KCNJ3: variants seen among roughly 807,000 people sequenced by gnomAD.
KCNJ3 encodes the protein potassium inwardly rectifying channel subfamily J member 3.
KCNJ3 carries 4 observed loss-of-function variants against 39.2 expected under a neutral mutation model. The observed-to-expected ratio is 0.10, with a 90% confidence interval of 0.05 to 0.23. KCNJ3 has a LOEUF of 0.23. Among genes scored for constraint, KCNJ3 ranks in the 10% least tolerant of loss-of-function variants. KCNJ3 has a pLI of 1.00. For synonymous variants in KCNJ3, 230 were observed against 237.4 expected, an observed-to-expected ratio of 0.97 and a Z score of 0.29; for missense variants, 276 against 634.9, an observed-to-expected ratio of 0.43 and a Z score of 6.08.
intron 2 of KCNJ3, among the ~76,000 whole-genome samples, chr2:154,830,649 G>A (rs1039969156): frequency 2.0e-5 from 3 of 152,098 alleles, no homozygotes; most frequent in Non-Finnish European, 1.5e-5. Context: ...TGAGACTTGA[G>A]GTGACACTTT....
chr2:154,789,848 A>C (rs191035350), intron 2 of KCNJ3, among the ~76,000 whole-genome samples: 5 of 152,210 alleles, frequency 3.3e-5, no homozygotes, highest in Admixed American at 3.3e-4. Flanking sequence ...AAAATGGTGC[A>C]ATGGGGAGAA....
intron 2 of KCNJ3, among the ~76,000 whole-genome samples, chr2:154,727,700 T>TA (rs946725061): frequency 1.3e-5 from 2 of 151,710 alleles, no homozygotes; most frequent in East Asian, 1.9e-4. Context: ...TTTCTCACGT[T>TA]AAAAAAATTG....
intron 2 of KCNJ3, among the ~76,000 whole-genome samples, chr2:154,816,520 C>T (rs1249611795): frequency 6.6e-6 from 1 of 152,086 alleles, no homozygotes; most frequent in Non-Finnish European, 1.5e-5. Flanking sequence ...AAAGCACATT[C>T]ACAAATACTT....
At position 154,854,932 on chromosome 2, in the gene KCNJ3, C is replaced by T. The variant is rs372988340; in HGVS notation, c.1125C>T (p.Ala375=). The T allele has an allele frequency of 5.0e-6, 8 of 1,613,912 alleles. No individual in the cohort carries two copies. In the South Asian group the frequency reaches 5.5e-5, roughly 11 times the overall value. ...LLMSSPLIAP[A]ITNSKERHNS... ...TGTCGTCCCCTTTAATAGCACCAGCCATAACTAACAGCAAAGAAAGACATA... is the reference window on the plus strand; with the variant it reads ...TGTCGTCCCCTTTAATAGCACCAGCTATAACTAACAGCAAAGAAAGACATA... The change falls in exon 3 of 3, where the codon GCC becomes GCT. Residue 375 remains alanine (A), a synonymous_variant. Transcript: ENST00000295101.
At chr2:154,832,773 G>C (rs547235278) in intron 2 of KCNJ3, among the ~76,000 whole-genome samples, 1 of 152,166 alleles carries the variant, frequency 6.6e-6, no homozygotes, top group Non-Finnish European at 1.5e-5. Flanking sequence ...TTTGTTCACA[G>C]AAACTTTAAC....
chr2:154,824,288 A>AG (rs1486784305), intron 2 of KCNJ3, among the ~76,000 whole-genome samples: 4 of 152,190 alleles, frequency 2.6e-5, no homozygotes, highest in African/African-American at 9.7e-5. Context: ...GTAAGCTGTG[A>AG]TCGCGCCACT....
chr2:154,824,889 C>T (rs916935965), intron 2 of KCNJ3, among the ~76,000 whole-genome samples: 3 of 152,144 alleles, frequency 2.0e-5, no homozygotes, highest in Non-Finnish European at 4.4e-5. Flanking sequence ...CTAATGACTG[C>T]AGTGGGGTCT....
chr2:154,738,350 G>T (rs1016027155), intron 2 of KCNJ3, among the ~76,000 whole-genome samples: 2 of 151,982 alleles, frequency 1.3e-5, no homozygotes, highest in Non-Finnish European at 1.5e-5. Context: ...CTTATTGTTT[G>T]GTAGCACAAT....
intron 2 of KCNJ3, among the ~76,000 whole-genome samples, chr2:154,851,489 G>T (rs2105140189): frequency 6.6e-6 from 1 of 152,270 alleles, no homozygotes; most frequent in East Asian, 1.9e-4. Flanking sequence ...CTTTCAGTAG[G>T]TTTCTAAGAG....
intron 1 of KCNJ3, among the ~76,000 whole-genome samples, chr2:154,705,468 T>C (rs985352612): frequency 1.3e-5 from 2 of 152,168 alleles, no homozygotes; most frequent in African/African-American, 4.8e-5. Context: ...CTTTTGATTC[T>C]TTTTCCACCT....
At chr2:154,733,150 G>C (rs994470550) in intron 2 of KCNJ3, among the ~76,000 whole-genome samples, 18 of 152,108 alleles carry the variant, frequency 1.2e-4, no homozygotes, top group African/African-American at 4.3e-4. Flanking sequence ...TTCTATCACT[G>C]GCAGATTCTA....
chr2:154,754,541 T>C (rs778169006), intron 2 of KCNJ3, among the ~76,000 whole-genome samples: 5 of 152,146 alleles, frequency 3.3e-5, no homozygotes, highest in Non-Finnish European at 5.9e-5. Flanking sequence ...TCCCAAAGTG[T>C]TGGGATTACA....
chr2:154,757,952 A>G (rs770150595), intron 2 of KCNJ3, among the ~76,000 whole-genome samples: 52 of 152,302 alleles, frequency 3.4e-4, no homozygotes, highest in Non-Finnish European at 5.1e-4. Context: ...GTGTTTTAAT[A>G]TATGAATTTG....
intron 2 of KCNJ3, among the ~76,000 whole-genome samples, chr2:154,771,429 A>G (rs533746770): frequency 1.7e-3 from 254 of 152,350 alleles, no homozygotes; most frequent in African/African-American, 5.8e-3. Context: ...GTAGATGAAA[A>G]TACTGGAGAA....
intron 2 of KCNJ3, among the ~76,000 whole-genome samples, chr2:154,760,927 T>C (rs1461207095): frequency 6.6e-6 from 1 of 151,298 alleles, no homozygotes; most frequent in Non-Finnish European, 1.5e-5. Flanking sequence ...GTAGTACATA[T>C]GGGGTTTCAG....
intron 2 of KCNJ3, among the ~76,000 whole-genome samples, chr2:154,830,076 A>G (rs1222881140): frequency 1.3e-5 from 2 of 152,214 alleles, no homozygotes; most frequent in East Asian, 3.9e-4. Context: ...TTCATCTGGA[A>G]AACCTTGAAT....
rs201208985 is a variant in KCNJ3, at chr2:154,854,926, A to T, written c.1119A>T (p.Ala373=). 5.6e-6 allele frequency: 9 copies of T among 1,605,790 alleles called. No homozygotes were observed. Among genetic ancestry groups the T allele is most frequent in the Non-Finnish European group, 7.6e-6 (9 of 1,176,576 alleles). Residue 373 remains alanine, a synonymous_variant, in exon 3 of 3, where the codon GCA becomes GCT. Transcript: ENST00000295101. ...EMLLMSSPLI[A]PAITNSKERH... is the part of the protein sequence containing the mutation. The stretch of plus-strand genomic sequence containing the variant: ...TTCTCATGTCGTCCCCTTTAATAGC[A>T]CCAGCCATAACTAACAGCAAAGAAA...
chr2:154,792,774 A>G (rs1011580359), intron 2 of KCNJ3, among the ~76,000 whole-genome samples: 5 of 152,122 alleles, frequency 3.3e-5, no homozygotes, highest in African/African-American at 1.2e-4. Context: ...GTTTTTAAAG[A>G]AATGACTATT....
At chr2:154,760,732 T>C (rs7592615) in intron 2 of KCNJ3, among the ~76,000 whole-genome samples, 68,795 of 143,254 alleles carry the variant, frequency 0.48, 16,884 homozygotes, top group Non-Finnish European at 0.51. Flanking sequence ...TTTTCTTTTT[T>C]TTCTTTTTTT....
Sources: allele counts gnomAD v4.1 joint callset (sites outside exome capture counted in the v4.1 genomes callset), GRCh38; gene constraint gnomAD v4.1.1; transcripts MANE v1.5; gene names NCBI Gene and HGNC (gene_info 2026-07-23, HGNC 2026-07-21).